The following GSN variants were observed in gnomAD, a reference collection of about 807,000 sequenced individuals.
GSN encodes gelsolin.
GSN carries 56 observed loss-of-function variants against 85.7 expected under a neutral mutation model. That is an observed-to-expected ratio of 0.65 (90% CI 0.53 to 0.82). GSN has a LOEUF of 0.82. Among genes scored for constraint, GSN ranks in the 40% least tolerant of loss-of-function variants. The pLI is 0.00. For synonymous variants in GSN, 373 were observed against 399.1 expected (o/e 0.93, Z 0.78); for missense variants, 857 against 979.8 (o/e 0.87, Z 1.67).
intron 4 of GSN, among the ~76,000 whole-genome samples, chr9:121,221,044 C>T (rs190694136): frequency 6.6e-6 from 1 of 152,312 alleles, no homozygotes; most frequent in Admixed American, 6.5e-5. Flanking sequence ...GGAACTTAAG[C>T]CTGGATGGCA....
At chr9:121,228,424 A>ATATATATATATATATATATATT (rs1315548268) in intron 4 of GSN, among the ~76,000 whole-genome samples, 1 of 48,120 alleles carries the variant, frequency 2.1e-5, no homozygotes, top group African/African-American at 8.6e-5. Context: ...ATATATATAT[A>ATATATATATATATATATATATT]TTTTTTTTTT....
At chr9:121,256,935 G>T (rs1178847735) in intron 6 of GSN, among the ~76,000 whole-genome samples, 1 of 152,024 alleles carries the variant, frequency 6.6e-6, no homozygotes, top group Admixed American at 6.6e-5. Flanking sequence ...GAATTTGATA[G>T]TACAGTAAAT....
chr9:121,264,562 C>T (rs781210668), upstream of GSN, among the ~76,000 whole-genome samples: 8 of 152,200 alleles, frequency 5.3e-5, no homozygotes, highest in Admixed American at 2.0e-4. Context: ...TAAAGGGGAC[C>T]GAGGCTGGAG....
intron 17 of GSN, chr9:121,331,888 TAG>T (rs918800160): frequency 1.3e-4 from 25 of 192,088 alleles, no homozygotes; most frequent in Non-Finnish European, 2.3e-4. Context: ...ACCTCATCTC[TAG>T]AAAAAATACA....
chr9:121,267,823 G>A (rs1478560858), upstream of GSN, among the ~76,000 whole-genome samples: 1 of 152,110 alleles, frequency 6.6e-6, no homozygotes, highest in South Asian at 2.1e-4. Flanking sequence ...AGCATTGCTC[G>A]CTTGCCCGTC....
intron 5 of GSN, among the ~76,000 whole-genome samples, chr9:121,231,896 G>A (rs2054396395): frequency 6.6e-6 from 1 of 152,070 alleles, no homozygotes. Flanking sequence ...GTGAAACCCC[G>A]TGTCTACTAA....
At chr9:121,232,840 C>T (rs570235155) in intron 5 of GSN, among the ~76,000 whole-genome samples, 10 of 152,280 alleles carry the variant, frequency 6.6e-5, no homozygotes, top group South Asian at 4.2e-4. Context: ...CAAGAACCTC[C>T]GCTTTCCTTG....
chr9:121,202,864 C>T (rs2053822706), upstream of GSN, among the ~76,000 whole-genome samples: 2 of 152,236 alleles, frequency 1.3e-5, no homozygotes, highest in Non-Finnish European at 2.9e-5. Flanking sequence ...CGGTGGCTCA[C>T]GCCTGTAATC....
chr9:121,263,171 A>G (rs761169779), upstream of GSN, among the ~76,000 whole-genome samples: 9 of 152,200 alleles, frequency 5.9e-5, no homozygotes, highest in Non-Finnish European at 1.3e-4. Flanking sequence ...ACCCTGATTT[A>G]TAGCCTTTCC....
Position 121,318,741 on chromosome 9 carries a change from C to A in GSN, c.1052C>A (p.Thr351Lys). Residue 351 changes from threonine to lysine, a missense_variant, in exon 10 of 18, where the codon ACA becomes AAA. Coordinates refer to ENST00000432226, the MANE Select transcript of GSN (RefSeq NM_198252.3). The surrounding 1 kb of genome is among the most constrained non-coding windows in gnomAD (Gnocchi z 4.3). Reference sequence around the variant, plus strand: ...AAGAACTGGCGGGACCCAGACCAGACAGATGGCCTGGGCTTGTCCTACCTT... The same window carrying A: ...AAGAACTGGCGGGACCCAGACCAGAAAGATGGCCTGGGCTTGTCCTACCTT... The part of the protein sequence containing the change: ...FFKNWRDPDQ[T>K]DGLGLSYLSS... The A allele has an allele frequency of 6.2e-7, 1 of 1,613,432 alleles. No individual in the cohort carries two copies. The highest frequency in any genetic ancestry group is 1.7e-5 in the Admixed American group (1 of 60,012).
At chr9:121,225,273 T>A (rs2054252194) in intron 4 of GSN, among the ~76,000 whole-genome samples, 1 of 152,224 alleles carries the variant, frequency 6.6e-6, no homozygotes, top group Non-Finnish European at 1.5e-5. Context: ...AAACAAATTT[T>A]TTTGTAAAAA....
At chr9:121,220,502 G>C (rs2054150199) in intron 4 of GSN, among the ~76,000 whole-genome samples, 1 of 149,058 alleles carries the variant, frequency 6.7e-6, no homozygotes. Context: ...CAGAGGCTCA[G>C]ACAGGTTGAG....
At chr9:121,270,606 T>A (rs576437497) in intron 1 of GSN, among the ~76,000 whole-genome samples, 22 of 152,302 alleles carry the variant, frequency 1.4e-4, no homozygotes, top group African/African-American at 5.1e-4. Flanking sequence ...TTCTTTTTCA[T>A]GAGTTTTAAA....
chr9:121,233,477 A>C (rs2054432517), intron 5 of GSN, among the ~76,000 whole-genome samples: 1 of 152,070 alleles, frequency 6.6e-6, no homozygotes, highest in Non-Finnish European at 1.5e-5. Context: ...TAAATAAATA[A>C]ATAAATAAAT....
intron 2 of GSN, among the ~76,000 whole-genome samples, chr9:121,301,619 C>CT (rs1222464547): frequency 7.5e-6 from 1 of 132,810 alleles, no homozygotes; most frequent in East Asian, 2.1e-4. Flanking sequence ...GTGCGAGACT[C>CT]TGTCTCAAAA....
intron 6 of GSN, among the ~76,000 whole-genome samples, chr9:121,251,967 C>G (rs1374662308): frequency 6.6e-6 from 1 of 151,980 alleles, no homozygotes. Context: ...GTCTCCAAAA[C>G]AAACAAACAA....
intron 2 of GSN, among the ~76,000 whole-genome samples, chr9:121,293,685 G>A (rs1186955051): frequency 1.5e-5 from 2 of 134,620 alleles, no homozygotes; most frequent in African/African-American, 2.7e-5. Flanking sequence ...GTGACAGAGC[G>A]AGACCCCATC....
In GSN at chr9:121,329,224, T is replaced by C. The variant is rs1205542181; in HGVS notation, c.1888-14T>C. ...GGGAAGACATCTCACTGATGCTCTT[T>C]CGTTCCTTCCCAGATCGAAGAGGTT... On this transcript the variant is annotated splice_polypyrimidine_tract_variant and intron_variant, in intron 15 of 17. Transcript: ENST00000432226. The surrounding 1 kb of genome is among the most constrained non-coding windows in gnomAD (Gnocchi z 4.6). The C allele has an allele frequency of 1.9e-6, 3 of 1,597,820 alleles. No individual in the cohort carries two copies. The highest frequency in any genetic ancestry group is 1.7e-5 in the Admixed American group (1 of 60,002).
chr9:121,300,147 C>A, intron 2 of GSN: 1 of 1,576,556 alleles, frequency 6.3e-7, no homozygotes, highest in South Asian at 1.1e-5. Flanking sequence ...CTTGCTGCTT[C>A]CGGGGCTCTG....
Sources: gnomAD v4.1 joint callset for allele counts (sites outside exome capture counted in the v4.1 genomes callset) on GRCh38, gnomAD v4.1.1 for gene constraint, Gnocchi (gnomAD v3.1) non-coding constraint, MANE v1.5 for transcripts, NCBI Gene and HGNC (gene_info 2026-07-23, HGNC 2026-07-21) for gene names.